Variants in ANKRD44 observed in about 807,000 individuals in gnomAD.
The protein encoded by ANKRD44 is ankyrin repeat domain 44.
A neutral mutation model predicts 116.0 loss-of-function variants in ANKRD44; 35 were observed. The observed-to-expected ratio is 0.30, with a 90% CI of 0.23 to 0.40. The LOEUF (loss-of-function observed/expected upper bound fraction) is 0.40. ANKRD44 is among the 10% of genes least tolerant of loss of function. The pLI is 1.00. For synonymous variants in ANKRD44, 435 were observed against 461.8 expected, an observed-to-expected ratio of 0.94 and a Z score of 0.74; for missense variants, 1,014 against 1,242.6, an observed-to-expected ratio of 0.82 and a Z score of 2.77.
intron 3 of ANKRD44, among the ~76,000 whole-genome samples, chr2:197,138,028 G>A (rs1224022682): frequency 6.6e-6 from 1 of 152,170 alleles, no homozygotes; most frequent in African/African-American, 2.4e-5. Context: ...ATGGTCAGAA[G>A]ATGTAGATTT....
intron 2 of ANKRD44, chr2:197,147,944 G>T: frequency 2.2e-6 from 1 of 450,866 alleles, no homozygotes; most frequent in Non-Finnish European, 4.5e-6. Context: ...AGATTCCACA[G>T]GTATATAGCA....
At position 197,076,749 on chromosome 2, in the gene ANKRD44, T is replaced by TTTA. The variant is rs1364153550; in HGVS notation, c.1650+1953_1650+1954insTAA. Among the ~76,000 whole-genome samples, 377 of 152,314 alleles carry TTTA rather than the reference T, an allele frequency of 2.5e-3. 1 individual carries two copies. The highest frequency in any genetic ancestry group is 0.016 in the East Asian group (84 of 5,182). ...TAGCTCCCCCTTATAAGTGAGAACA[T>TTTA]GCAGTATTTGGTTTCTTGCTCCTGT... On this transcript the variant is annotated intron_variant, in intron 16 of 27. Transcript: ENST00000282272.
intron 1 of ANKRD44, among the ~76,000 whole-genome samples, chr2:197,238,581 A>G (rs2082022875): frequency 6.6e-6 from 1 of 152,196 alleles, no homozygotes; most frequent in African/African-American, 2.4e-5. Context: ...ACCCAAAATA[A>G]CAGTGGCTTA....
At chr2:197,266,705 A>T (rs1187277248) in intron 1 of ANKRD44, among the ~76,000 whole-genome samples, 2 of 151,640 alleles carry the variant, frequency 1.3e-5, no homozygotes, top group African/African-American at 4.9e-5. Context: ...CCAGCAAAAA[A>T]CAAACCGCAC....
rs189355398 is a variant in ANKRD44, at chr2:197,077,417, G to A, written c.1650+1286C>T. 1.9e-3 allele frequency among the ~76,000 whole-genome samples: 284 copies of A among 152,234 alleles called. 5 individuals carry two copies. The highest frequency in any genetic ancestry group is 0.016 in the Admixed American group (246 of 15,286). ...TGTTCTAATCCATCCACAGTTAGGTGAGCCAGCAGTGGGGATAAGATACCT... is the reference window on the plus strand; with the variant it reads ...TGTTCTAATCCATCCACAGTTAGGTAAGCCAGCAGTGGGGATAAGATACCT... On this transcript the variant is annotated intron_variant, in intron 16 of 27. Coordinates refer to ENST00000282272, the MANE Select transcript of ANKRD44 (RefSeq NM_001195144.2).
At chr2:197,159,498 A>G (rs80309528) in intron 2 of ANKRD44, among the ~76,000 whole-genome samples, 3 of 152,274 alleles carry the variant, frequency 2.0e-5, no homozygotes, top group South Asian at 4.1e-4. Context: ...TATTAAAAAA[A>G]TACAGGTCTG....
At chr2:197,075,643 A>G (rs975040694) in intron 16 of ANKRD44, among the ~76,000 whole-genome samples, 1 of 152,232 alleles carries the variant, frequency 6.6e-6, no homozygotes, top group African/African-American at 2.4e-5. Flanking sequence ...ACTACCTTTT[A>G]GAAGTCTTTT....
At chr2:197,036,550 T>A (rs1182849900) in intron 16 of ANKRD44, among the ~76,000 whole-genome samples, 1 of 152,128 alleles carries the variant, frequency 6.6e-6, no homozygotes, top group East Asian at 1.9e-4. Context: ...ATGCAACTTT[T>A]AAAGGCAATA....
intron 2 of ANKRD44, among the ~76,000 whole-genome samples, chr2:197,170,802 T>G (rs2080214244): frequency 6.6e-6 from 1 of 152,150 alleles, no homozygotes; most frequent in African/African-American, 2.4e-5. Flanking sequence ...GATTCTCTAT[T>G]TAAATTGTGA....
chr2:197,262,742 A>G (rs2082637294), intron 1 of ANKRD44, among the ~76,000 whole-genome samples: 2 of 152,004 alleles, frequency 1.3e-5, no homozygotes. Flanking sequence ...TGTCTCTAAT[A>G]AAAATATTAA....
intron 3 of ANKRD44, among the ~76,000 whole-genome samples, chr2:197,141,887 T>A (rs915662583): frequency 2.6e-5 from 4 of 152,196 alleles, no homozygotes; most frequent in African/African-American, 9.7e-5. Context: ...AGATGTCAGA[T>A]GGTTTTGGCT....
intron 11 of ANKRD44, 43 bp from the exon 12 acceptor site, chr2:197,088,817 T>C (rs760712109): frequency 1.3e-6 from 2 of 1,599,268 alleles, no homozygotes; most frequent in African/African-American, 2.7e-5. Flanking sequence ...GATACTATGC[T>C]ATACTTTTGT....
intron 2 of ANKRD44, among the ~76,000 whole-genome samples, chr2:197,172,500 C>T (rs1404746377): frequency 6.6e-6 from 1 of 152,138 alleles, no homozygotes; most frequent in Non-Finnish European, 1.5e-5. Context: ...GCAGTACTGA[C>T]GTTTCCTCTG....
Position 197,001,674 on chromosome 2 carries a change from T to A in ANKRD44, c.2435+79A>T, listed in dbSNP as rs537248390. ...GTCTTATCTGTAATCTAAAAGACTT[T>A]TTTCCCTACAAAGCAACTTTTCTAT... On this transcript the variant is annotated intron_variant, in intron 22 of 27. Coordinates refer to ENST00000282272, the MANE Select transcript of ANKRD44 (RefSeq NM_001195144.2). The A allele has an allele frequency of 1.6e-5, 17 of 1,075,746 alleles. 1 individual carries two copies. In the Admixed American group the frequency reaches 4.0e-4, roughly 25 times the overall value. 66.6% of individuals were successfully genotyped at this position (1,075,746 alleles called of 1,614,324 possible).
At chr2:197,239,402 T>G (rs1268795958) in intron 1 of ANKRD44, among the ~76,000 whole-genome samples, 1 of 152,176 alleles carries the variant, frequency 6.6e-6, no homozygotes, top group Non-Finnish European at 1.5e-5. Context: ...CAGCTAGTAT[T>G]TTATTTTTTG....
chr2:197,097,155 T>C (rs932719549), intron 10 of ANKRD44, among the ~76,000 whole-genome samples: 1 of 152,228 alleles, frequency 6.6e-6, no homozygotes, highest in Admixed American at 6.5e-5. Flanking sequence ...TAAATTTCCA[T>C]CATATTGAAT....
chr2:197,214,389 C>T (rs1289199332), intron 1 of ANKRD44, among the ~76,000 whole-genome samples: 3 of 152,096 alleles, frequency 2.0e-5, no homozygotes, highest in African/African-American at 2.4e-5. Flanking sequence ...ATATCCAAGG[C>T]CTAGCCTAGT....
chr2:197,041,760 G>C (rs2076915777), intron 16 of ANKRD44, among the ~76,000 whole-genome samples: 1 of 152,044 alleles, frequency 6.6e-6, no homozygotes, highest in Non-Finnish European at 1.5e-5. Context: ...AGCCCAACAG[G>C]CAGACCCCTC....
intron 16 of ANKRD44, among the ~76,000 whole-genome samples, chr2:197,031,199 CTA>C (rs2076700698): frequency 6.6e-6 from 1 of 150,626 alleles, no homozygotes; most frequent in African/African-American, 2.4e-5. Context: ...ATTGACATGA[CTA>C]TATATACAGG....
Sources: gnomAD v4.1 joint callset for allele counts (sites outside exome capture counted in the v4.1 genomes callset) on GRCh38, gnomAD v4.1.1 for gene constraint, MANE v1.5 for transcripts, NCBI Gene and HGNC (gene_info 2026-07-23, HGNC 2026-07-21) for gene names.